The following AFG2A variants were observed in gnomAD, a reference collection of about 807,000 sequenced individuals.
AFG2A encodes the protein ATPase family gene 2 protein homolog A.
chr4:123,055,180 A>G, the AFG2A span, among the ~76,000 whole-genome samples: 1 of 152,202 alleles, frequency 6.6e-6, no homozygotes, highest in African/African-American at 2.4e-5. Flanking sequence ...TTAAAAGTCA[A>G]TGAACTCAGC....
the AFG2A span, among the ~76,000 whole-genome samples, chr4:123,311,612 C>T: frequency 5.5e-5 from 7 of 126,466 alleles, no homozygotes; most frequent in African/African-American, 2.4e-4. Context: ...GGTGACAGAA[C>T]GAGACTCTGT....
the AFG2A span, chr4:122,947,107 A>C: frequency 2.5e-6 from 2 of 807,486 alleles, no homozygotes; most frequent in African/African-American, 3.5e-5. Context: ...TGAAAGCGTA[A>C]GAAATAGGAC....
the AFG2A span, among the ~76,000 whole-genome samples, chr4:123,287,458 T>C: frequency 6.6e-6 from 1 of 152,204 alleles, no homozygotes; most frequent in East Asian, 1.9e-4. Flanking sequence ...GTATATACAA[T>C]GTAAAGTTAA....
the AFG2A span, among the ~76,000 whole-genome samples, chr4:123,313,257 T>A: frequency 6.6e-6 from 1 of 152,170 alleles, no homozygotes; most frequent in Non-Finnish European, 1.5e-5. Flanking sequence ...CCAGCTTTCC[T>A]GGCTGAGTAA....
the AFG2A span, among the ~76,000 whole-genome samples, chr4:123,165,220 G>A: frequency 6.6e-6 from 1 of 152,138 alleles, no homozygotes; most frequent in East Asian, 1.9e-4. Context: ...CTAGAGTTAG[G>A]AGATGCCTTG....
chr4:123,211,268 C>T, the AFG2A span, among the ~76,000 whole-genome samples: 1 of 152,126 alleles, frequency 6.6e-6, no homozygotes, highest in Non-Finnish European at 1.5e-5. Flanking sequence ...CCTTGATACT[C>T]ATCCAGAAAC....
the AFG2A span, among the ~76,000 whole-genome samples, chr4:123,152,125 T>G: frequency 1.4e-4 from 20 of 139,800 alleles, no homozygotes; most frequent in East Asian, 4.0e-4. Context: ...TGGGGCCTGT[T>G]GGGGGATGGG....
At chr4:123,143,265 T>C in the AFG2A span, among the ~76,000 whole-genome samples, 1 of 152,088 alleles carries the variant, frequency 6.6e-6, no homozygotes, top group Admixed American at 6.5e-5. Flanking sequence ...AATTGCTTTA[T>C]TTTTCCCTTT....
At chr4:123,027,637 G>GT in the AFG2A span, among the ~76,000 whole-genome samples, 1 of 151,956 alleles carries the variant, frequency 6.6e-6, no homozygotes, top group African/African-American at 2.4e-5. Context: ...TCTTGTGTAC[G>GT]TTTTCTGGTA....
the AFG2A span, among the ~76,000 whole-genome samples, chr4:122,974,990 C>T: frequency 6.6e-6 from 1 of 152,170 alleles, no homozygotes; most frequent in Non-Finnish European, 1.5e-5. Context: ...CTGTCTTTAT[C>T]ACTGAATATT....
At chr4:123,032,106 T>TAG in the AFG2A span, among the ~76,000 whole-genome samples, 1 of 152,244 alleles carries the variant, frequency 6.6e-6, no homozygotes, top group Admixed American at 6.5e-5. Flanking sequence ...GAAATGTGGT[T>TAG]AGGTCTTTGA....
the AFG2A span, among the ~76,000 whole-genome samples, chr4:123,019,277 C>T: frequency 1.5e-5 from 1 of 68,360 alleles, no homozygotes; most frequent in African/African-American, 3.8e-5. Flanking sequence ...GATTTGAACC[C>T]AAGACCATTT....
the AFG2A span, among the ~76,000 whole-genome samples, chr4:122,966,540 CTT>C: frequency 6.6e-6 from 1 of 152,176 alleles, no homozygotes; most frequent in Non-Finnish European, 1.5e-5. Flanking sequence ...TCGGCTGCCT[CTT>C]TGGCCCCAAT....
chr4:123,193,019 C>T, the AFG2A span, among the ~76,000 whole-genome samples: 1 of 152,132 alleles, frequency 6.6e-6, no homozygotes, highest in Non-Finnish European at 1.5e-5. Context: ...ATATGTTTTG[C>T]TTGCTCGATC....
the AFG2A span, among the ~76,000 whole-genome samples, chr4:123,250,576 C>G: frequency 2.5e-4 from 38 of 152,242 alleles, no homozygotes; most frequent in South Asian, 7.9e-3. Flanking sequence ...GAATTTCTGT[C>G]AAATGCACAT....
chr4:122,938,568 T>G, the AFG2A span, among the ~76,000 whole-genome samples: 3 of 152,116 alleles, frequency 2.0e-5, no homozygotes, highest in Non-Finnish European at 4.4e-5. Flanking sequence ...AGTTAAATTT[T>G]AGGGGATTTT....
At chr4:122,987,018 A>G in the AFG2A span, among the ~76,000 whole-genome samples, 2 of 152,166 alleles carry the variant, frequency 1.3e-5, no homozygotes, top group African/African-American at 2.4e-5. Context: ...CAGTGCATAT[A>G]TATTTACAAT....
the AFG2A span, among the ~76,000 whole-genome samples, chr4:122,945,552 C>CT: frequency 1.3e-5 from 2 of 152,216 alleles, no homozygotes; most frequent in Non-Finnish European, 2.9e-5. Context: ...TCTGTCACCC[C>CT]TTTCCTTGAC....
At chr4:123,256,219 A>G in the AFG2A span, 4 of 1,606,670 alleles carry the variant, frequency 2.5e-6, no homozygotes, top group South Asian at 4.4e-5. Context: ...GTGGGAGGAA[A>G]GCGGTGGCTC....
Sources: gnomAD v4.1 joint callset for allele counts (sites outside exome capture counted in the v4.1 genomes callset) on GRCh38, gnomAD v4.1.1 for gene constraint, MANE v1.5 for transcripts, NCBI Gene and HGNC (gene_info 2026-07-23, HGNC 2026-07-21) for gene names.